The following RALGAPA2 variants were observed in gnomAD, a reference collection of about 807,000 sequenced individuals.
RALGAPA2 encodes ral GTPase-activating protein subunit alpha-2.
A neutral mutation model predicts 230.4 loss-of-function variants in RALGAPA2; 139 were observed. The observed-to-expected ratio is 0.60, with a 90% confidence interval of 0.53 to 0.69. The LOEUF is 0.69. RALGAPA2 is among the 30% of genes least tolerant of loss of function. RALGAPA2 has a pLI of 0.00. For missense variants in RALGAPA2, 2,163 were observed against 2,276.0 expected (o/e 0.95, Z 1.01); for synonymous variants, 847 against 837.8 (o/e 1.01, Z -0.19).
intron 9 of RALGAPA2, among the ~76,000 whole-genome samples, chr20:20,629,857 A>G (rs2066613212): frequency 6.6e-6 from 1 of 152,226 alleles, no homozygotes; most frequent in Admixed American, 6.5e-5. Flanking sequence ...AATTTTCCCA[A>G]TCTAAAAGGT....
chr20:20,493,456 G>A (rs933417058), intron 36 of RALGAPA2, among the ~76,000 whole-genome samples: 3 of 152,004 alleles, frequency 2.0e-5, no homozygotes, highest in African/African-American at 7.3e-5. Flanking sequence ...AAGTTTACAA[G>A]GTATGTTAAT....
intron 39 of RALGAPA2, 97 bp from the exon 40 acceptor site, chr20:20,393,350 A>C: frequency 1.0e-6 from 1 of 1,001,438 alleles, no homozygotes; most frequent in Non-Finnish European, 1.3e-6. Flanking sequence ...AAGGGAGGGA[A>C]ACTCCCAGGA....
At chr20:20,522,468 A>G (rs1021059264) in intron 30 of RALGAPA2, among the ~76,000 whole-genome samples, 1 of 152,238 alleles carries the variant, frequency 6.6e-6, no homozygotes, top group African/African-American at 2.4e-5. Flanking sequence ...AAGAGGATAT[A>G]CTGTATGACT....
At chr20:20,615,555 GA>G (rs1276645804) in intron 13 of RALGAPA2, among the ~76,000 whole-genome samples, 2 of 152,142 alleles carry the variant, frequency 1.3e-5, no homozygotes, top group Non-Finnish European at 2.9e-5. Flanking sequence ...AAACAAAGAT[GA>G]AAAGGAAAAA....
At chr20:20,619,463 A>C in intron 11 of RALGAPA2, 49 bp from the exon 12 acceptor site, 1 of 1,375,112 alleles carries the variant, frequency 7.3e-7, no homozygotes, top group Non-Finnish European at 9.6e-7. Context: ...CACGTGTTTA[A>C]CTTGCATTTA....
intron 3 of RALGAPA2, among the ~76,000 whole-genome samples, chr20:20,670,774 C>G (rs1232750952): frequency 6.6e-6 from 1 of 151,600 alleles, no homozygotes; most frequent in Non-Finnish European, 1.5e-5. Flanking sequence ...ATGGTGAAAC[C>G]CTGTCTCTAC....
chr20:20,671,219 CT>C (rs2068124868), intron 3 of RALGAPA2, among the ~76,000 whole-genome samples: 1 of 152,318 alleles, frequency 6.6e-6, no homozygotes, highest in African/African-American at 2.4e-5. Context: ...CTACTGTTTC[CT>C]TTTCCAAGGT....
intron 23 of RALGAPA2, 96 bp from the exon 24 acceptor site, chr20:20,546,928 TC>T: frequency 8.0e-7 from 1 of 1,253,020 alleles, no homozygotes; most frequent in African/African-American, 1.5e-5. Context: ...TGTATAATAA[TC>T]CAAGAGAGCA....
chr20:20,554,115 C>A (rs1381586978), intron 23 of RALGAPA2, among the ~76,000 whole-genome samples: 1 of 152,110 alleles, frequency 6.6e-6, no homozygotes, highest in Admixed American at 6.5e-5. Flanking sequence ...TTTTCATTAC[C>A]TCAAAATGAA....
intron 20 of RALGAPA2, among the ~76,000 whole-genome samples, chr20:20,577,516 C>A (rs766037451): frequency 1.4e-4 from 22 of 152,280 alleles, no homozygotes; most frequent in Middle Eastern, 3.4e-3. Flanking sequence ...ATCATCCAAA[C>A]TGGAATTCCT....
chr20:20,535,667 C>A (rs1949540963), intron 26 of RALGAPA2, 78 bp downstream of exon 26: 10 of 1,491,974 alleles, frequency 6.7e-6, no homozygotes, highest in South Asian at 1.4e-5. Flanking sequence ...TAAGTGTTTT[C>A]TTTTGTAACA....
chr20:20,704,964 A>C (rs1363313690), intron 1 of RALGAPA2, among the ~76,000 whole-genome samples: 1 of 152,214 alleles, frequency 6.6e-6, no homozygotes, highest in Non-Finnish European at 1.5e-5. Flanking sequence ...AGCTCCCTAA[A>C]GAAGCACTGG....
Position 20,505,541 on chromosome 20 carries a change from AT to A in RALGAPA2, c.4929-8del, listed in dbSNP as rs759407537. 7 of 1,554,738 alleles carry A rather than the reference AT, an allele frequency of 4.5e-6. No individual in the cohort carries two copies. In the South Asian group the frequency reaches 7.4e-5, roughly 16 times the overall value. On this transcript the variant is annotated splice_polypyrimidine_tract_variant and splice_region_variant and intron_variant, in intron 33 of 39. Transcript: ENST00000202677. ...GATTTTGTGTGTCTCACGGCTATAA[AT>A]TTTTAAATTTAAAGGAGTTAGAATT...
At chr20:20,702,805 A>G (rs1472962533) in intron 1 of RALGAPA2, among the ~76,000 whole-genome samples, 1 of 152,164 alleles carries the variant, frequency 6.6e-6, no homozygotes, top group Admixed American at 6.5e-5. Context: ...GAAATCAAAC[A>G]CAATATCCAT....
chr20:20,476,816 C>T (rs1406533739), intron 36 of RALGAPA2, among the ~76,000 whole-genome samples: 1 of 151,878 alleles, frequency 6.6e-6, no homozygotes, highest in African/African-American at 2.4e-5. Flanking sequence ...AGAACATAGC[C>T]ACAAGGTCCA....
intron 37 of RALGAPA2, among the ~76,000 whole-genome samples, chr20:20,450,176 C>T (rs985429479): frequency 2.0e-5 from 3 of 152,170 alleles, no homozygotes; most frequent in African/African-American, 4.8e-5. Flanking sequence ...GATGGAACTG[C>T]GTCCTCAACT....
intron 1 of RALGAPA2, among the ~76,000 whole-genome samples, chr20:20,700,052 A>C (rs1342784236): frequency 6.6e-6 from 1 of 152,336 alleles, no homozygotes; most frequent in Non-Finnish European, 1.5e-5. Context: ...ACATGGAATC[A>C]ACCTAACTGC....
intron 9 of RALGAPA2, 105 bp from the exon 10 acceptor site, chr20:20,629,695 T>C (rs2066608619): frequency 4.2e-6 from 5 of 1,186,372 alleles, no homozygotes; most frequent in East Asian, 2.4e-5. Flanking sequence ...TTACCATCAA[T>C]GTGCACAGGG....
chr20:20,414,313 A>G (rs978505727), intron 37 of RALGAPA2, among the ~76,000 whole-genome samples: 1 of 152,186 alleles, frequency 6.6e-6, no homozygotes, highest in Non-Finnish European at 1.5e-5. Flanking sequence ...TGCTCTGCCT[A>G]GCATCGTCCT....
Sources: allele counts gnomAD v4.1 joint callset (sites outside exome capture counted in the v4.1 genomes callset), GRCh38; gene constraint gnomAD v4.1.1; transcripts MANE v1.5; gene names NCBI Gene and HGNC (gene_info 2026-07-23, HGNC 2026-07-21).